GALNT2: variants seen among roughly 807,000 people sequenced by gnomAD.
GALNT2 encodes the protein UDP-GalNAc:polypeptide N-acetylgalactosaminyltransferase 2.
A neutral mutation model predicts 81.4 loss-of-function variants in GALNT2; 31 were observed. That is an observed-to-expected ratio of 0.38 (90% CI 0.29 to 0.51). The LOEUF (loss-of-function observed/expected upper bound fraction) is 0.51, where lower values mean the gene tolerates loss of function less well. GALNT2 is among the 20% of genes least tolerant of loss of function. The pLI is 0.87. For missense variants in GALNT2, 629 were observed against 765.7 expected (o/e 0.82, Z 2.11); for synonymous variants, 303 against 287.4 (o/e 1.05, Z -0.55).
intron 1 of GALNT2, among the ~76,000 whole-genome samples, chr1:230,102,020 C>T (rs745460053): frequency 2.0e-5 from 3 of 152,204 alleles, no homozygotes; most frequent in Non-Finnish European, 4.4e-5. Context: ...CTGGTTGATG[C>T]GGGCACAATT....
intron 1 of GALNT2, among the ~76,000 whole-genome samples, chr1:230,074,531 C>T (rs564344045): frequency 9.9e-5 from 15 of 152,190 alleles, no homozygotes; most frequent in East Asian, 1.9e-4. Context: ...AGTGTCCTGG[C>T]GAGGGTGGGA....
At chr1:230,144,003 A>G (rs1054950095) in intron 1 of GALNT2, among the ~76,000 whole-genome samples, 2 of 152,262 alleles carry the variant, frequency 1.3e-5, no homozygotes, top group Non-Finnish European at 2.9e-5. Flanking sequence ...TAGGACATTC[A>G]GAACGATACC....
intron 1 of GALNT2, among the ~76,000 whole-genome samples, chr1:230,135,669 A>G (rs1409376133): frequency 6.6e-6 from 1 of 151,718 alleles, no homozygotes; most frequent in Non-Finnish European, 1.5e-5. Context: ...TCTGCCATTT[A>G]TCACTTGAGG....
chr1:230,060,997 C>A (rs1299628441), intron 1 of GALNT2, among the ~76,000 whole-genome samples: 1 of 152,040 alleles, frequency 6.6e-6, no homozygotes, highest in Non-Finnish European at 1.5e-5. Context: ...TCATTTAATA[C>A]CCTCTCAACC....
intron 1 of GALNT2, among the ~76,000 whole-genome samples, chr1:230,059,338 A>G (rs1051279672): frequency 6.6e-6 from 1 of 152,226 alleles, no homozygotes; most frequent in Non-Finnish European, 1.5e-5. Context: ...TGAAAATGTT[A>G]CATTGATAAA....
At chr1:230,125,813 T>G (rs1051131489) in intron 1 of GALNT2, among the ~76,000 whole-genome samples, 2 of 152,258 alleles carry the variant, frequency 1.3e-5, no homozygotes, top group East Asian at 3.8e-4. Flanking sequence ...TAAAACTCTC[T>G]TGCCATGCCT....
intron 1 of GALNT2, among the ~76,000 whole-genome samples, chr1:230,129,265 T>G (rs1661291825): frequency 6.6e-6 from 1 of 152,246 alleles, no homozygotes; most frequent in South Asian, 2.1e-4. Context: ...CTTTTTTCTT[T>G]CCTGTCCTAT....
intron 6 of GALNT2, among the ~76,000 whole-genome samples, chr1:230,237,676 A>T (rs1201776422): frequency 6.6e-6 from 1 of 152,162 alleles, no homozygotes; most frequent in Non-Finnish European, 1.5e-5. Context: ...ACAGTGGGAT[A>T]AGCCTTGCCT....
chr1:230,100,401 A>G (rs1660369045), intron 1 of GALNT2, among the ~76,000 whole-genome samples: 1 of 142,334 alleles, frequency 7.0e-6, no homozygotes, highest in South Asian at 2.2e-4. Context: ...ACCTCGGCTC[A>G]CTGCAAACTC....
chr1:230,155,708 T>C (rs1662229356), intron 1 of GALNT2, among the ~76,000 whole-genome samples: 1 of 152,036 alleles, frequency 6.6e-6, no homozygotes, highest in African/African-American at 2.4e-5. Flanking sequence ...AAAACTGGGC[T>C]CCCAAGTGCA....
intron 1 of GALNT2, among the ~76,000 whole-genome samples, chr1:230,115,006 CT>C (rs10666711): frequency 5.9e-4 from 76 of 129,296 alleles, no homozygotes; most frequent in Non-Finnish European, 6.7e-4. Flanking sequence ...AGGGTTCACT[CT>C]TTTTTTTTTT....
chr1:230,142,324 G>A (rs546093993), intron 1 of GALNT2, among the ~76,000 whole-genome samples: 8 of 152,280 alleles, frequency 5.3e-5, no homozygotes, highest in East Asian at 3.9e-4. Context: ...CAGGGTCTGC[G>A]AGAACTCCAG....
chr1:230,196,686 T>C (rs780379334), intron 2 of GALNT2, among the ~76,000 whole-genome samples: 2 of 152,160 alleles, frequency 1.3e-5, no homozygotes, highest in Non-Finnish European at 2.9e-5. Context: ...CACAAGCTGC[T>C]GTCAGCAGGC....
At chr1:230,268,360 G>C (rs979519457) in intron 14 of GALNT2, 7 of 152,216 alleles carry the variant, frequency 4.6e-5, no homozygotes, top group African/African-American at 1.7e-4. Flanking sequence ...GTACTGTCTG[G>C]GTGTTGGGCC....
Position 230,067,417 on chromosome 1 carries a change from C to T in GALNT2, c.126+11C>T, listed in dbSNP as rs549065079. 36 of 1,135,896 alleles carry T rather than the reference C, an allele frequency of 3.2e-5. 1 individual carries two copies. The Admixed American group carries it at 6.4e-4, about 20-fold the overall frequency. The allele number at this position is 1,135,896 out of a possible 1,614,324, so 70.4% of individuals were successfully genotyped here. On this transcript the variant is annotated intron_variant, in intron 1 of 15. Transcript: ENST00000366672. ...GGCGCCGGCAGGAAGGTGAGTGGAG[C>T]GCCCTGCCGCGGCCGGGCCCCTGCG...
chr1:230,250,771 G>A (rs1205373786), intron 10 of GALNT2, among the ~76,000 whole-genome samples: 3 of 152,166 alleles, frequency 2.0e-5, no homozygotes, highest in African/African-American at 7.2e-5. Flanking sequence ...AGTGGAGGAT[G>A]CCAGAATACG....
At chr1:230,059,693 T>C (rs1658998566) in intron 1 of GALNT2, among the ~76,000 whole-genome samples, 2 of 152,262 alleles carry the variant, frequency 1.3e-5, no homozygotes, top group African/African-American at 4.8e-5. Flanking sequence ...GAAAACGATT[T>C]CAAACTTACC....
At chr1:230,078,431 A>C (rs1463604199) in intron 1 of GALNT2, among the ~76,000 whole-genome samples, 1 of 152,240 alleles carries the variant, frequency 6.6e-6, no homozygotes. Context: ...TAAATTAAAG[A>C]AGCAGCTGAA....
chr1:230,092,411 T>G (rs1183616920), intron 1 of GALNT2, among the ~76,000 whole-genome samples: 1 of 151,778 alleles, frequency 6.6e-6, no homozygotes, highest in African/African-American at 2.4e-5. Context: ...GGGTCTTGCA[T>G]GACCTCACTG....
Sources: allele counts gnomAD v4.1 joint callset (sites outside exome capture counted in the v4.1 genomes callset), GRCh38; gene constraint gnomAD v4.1.1; transcripts MANE v1.5; gene names NCBI Gene and HGNC (gene_info 2026-07-23, HGNC 2026-07-21).